RAPGEF6: variants seen among roughly 807,000 people sequenced by gnomAD.
RAPGEF6 encodes PDZ domain containing guanine nucleotide exchange factor (GEF) 2.
A neutral mutation model predicts 171.4 loss-of-function variants in RAPGEF6; 56 were observed. The observed-to-expected ratio is 0.33, with a 90% CI of 0.26 to 0.41. The LOEUF (loss-of-function observed/expected upper bound fraction) is 0.41. Among genes scored for constraint, RAPGEF6 ranks in the 10% least tolerant of loss-of-function variants. The pLI is 1.00. For synonymous variants in RAPGEF6, 692 were observed against 650.1 expected (o/e 1.06, Z -0.98); for missense variants, 1,674 against 1,921.4 (o/e 0.87, Z 2.41).
At chr5:131,512,009 A>G (rs967033532) in intron 7 of RAPGEF6, among the ~76,000 whole-genome samples, 1 of 152,160 alleles carries the variant, frequency 6.6e-6, no homozygotes, top group Non-Finnish European at 1.5e-5. Context: ...CTATAGCCTC[A>G]TGGAAACGCC....
chr5:131,513,032 A>AG (rs1299929650), intron 7 of RAPGEF6, among the ~76,000 whole-genome samples: 1 of 152,192 alleles, frequency 6.6e-6, no homozygotes, highest in Non-Finnish European at 1.5e-5. Flanking sequence ...AGGATCATAT[A>AG]GGGGCAACTG....
In RAPGEF6 at chr5:131,498,574, CT is replaced by C; in HGVS notation, c.1287del (p.Ile429MetfsTer12). 1.2e-6 allele frequency: 2 copies of C among 1,613,704 alleles called. No homozygotes were observed. The highest frequency in any genetic ancestry group is 1.7e-6 in the Non-Finnish European group (2 of 1,179,878). On this transcript the variant is annotated frameshift_variant, in exon 12 of 28. Transcript: ENST00000509018. LOFTEE classifies it high-confidence loss of function. Reference sequence around the variant, plus strand: ...GTTGGATCCACGATGGAATGTTCTTCTATTAAATGCATTATGAGACGCTCAG... The same window carrying C: ...GTTGGATCCACGATGGAATGTTCTTCATTAAATGCATTATGAGACGCTCAG... ...ATPERLIMHL[I>X]EEHSIVDPTY... is the part of the protein sequence containing the mutation.
chr5:131,582,100 T>C (rs1763002140), intron 4 of RAPGEF6, among the ~76,000 whole-genome samples: 1 of 152,344 alleles, frequency 6.6e-6, no homozygotes, highest in Non-Finnish European at 1.5e-5. Context: ...AGACTCAGCC[T>C]ACCTGCATCC....
At chr5:131,582,002 C>A (rs375278254) in intron 4 of RAPGEF6, among the ~76,000 whole-genome samples, 1 of 152,282 alleles carries the variant, frequency 6.6e-6, no homozygotes, top group Admixed American at 6.5e-5. Context: ...CATCCCCTGC[C>A]GGCAAAAAAT....
intron 5 of RAPGEF6, 125 bp downstream of exon 5, chr5:131,561,853 T>G: frequency 1.4e-6 from 1 of 699,222 alleles, no homozygotes; most frequent in Non-Finnish European, 2.4e-6. Flanking sequence ...ATAGTTCTGA[T>G]GCTACTTGAT....
At chr5:131,614,474 G>A (rs1765150281) in intron 1 of RAPGEF6, among the ~76,000 whole-genome samples, 1 of 152,048 alleles carries the variant, frequency 6.6e-6, no homozygotes, top group Non-Finnish European at 1.5e-5. Flanking sequence ...TAGCCAGCAG[G>A]AGAGAGACAG....
rs1251388931 is a variant in RAPGEF6 at position 131,528,313 on chromosome 5, T to TATTATATATATATATA, written c.496-6793_496-6792insTATATATATATATAAT. 4.6e-3 allele frequency among the ~76,000 whole-genome samples: 222 copies of TATTATATATATATATA among 48,780 alleles called. 6 individuals are homozygous for TATTATATATATATATA. Among genetic ancestry groups the TATTATATATATATATA allele is most frequent in the Middle Eastern group, 0.031 (3 of 96 alleles). 32.0% of individuals were successfully genotyped at this position (48,780 alleles called of 152,430 possible). A position where few individuals can be genotyped will look rare whatever the true frequency, so the allele number is the denominator to read the frequency against. ...AATAAAATAAAATAATATATTTATA[T>TATTATATATATATATA]TATATATATATATATATATATATAT... On this transcript the variant is annotated intron_variant, in intron 6 of 27. Coordinates refer to ENST00000509018, the MANE Select transcript of RAPGEF6 (RefSeq NM_016340.6).
intron 6 of RAPGEF6, among the ~76,000 whole-genome samples, chr5:131,542,997 AGCT>A (rs1339192241): frequency 1.3e-5 from 2 of 152,226 alleles, no homozygotes; most frequent in African/African-American, 4.8e-5. Context: ...ATGGCTAGCT[AGCT>A]GCTATCAATT....
At chr5:131,558,623 C>A (rs1329016836) in intron 5 of RAPGEF6, among the ~76,000 whole-genome samples, 1 of 152,142 alleles carries the variant, frequency 6.6e-6, no homozygotes, top group Non-Finnish European at 1.5e-5. Flanking sequence ...ACAAGAAAGG[C>A]TTACGCTGAA....
rs1751323046 is a variant in RAPGEF6 at position 131,424,814 on chromosome 5, TTAAC to T, written c.*2448_*2451del. 1 of 152,370 alleles carries T rather than the reference TTAAC, an allele frequency of 6.6e-6. No homozygotes were observed. Among genetic ancestry groups the T allele is most frequent in the Admixed American group, 6.5e-5 (1 of 15,282 alleles). 9.4% of individuals were successfully genotyped at this position (152,370 alleles called of 1,614,324 possible). ...ATTTGGCAAAAGTTTGCACTGAGCG[TTAAC>T]TGCTTCAACAGTCTTGGCAGATTGA... On this transcript the variant is annotated 3_prime_UTR_variant, in exon 28 of 28. Transcript: ENST00000509018.
chr5:131,617,696 C>T (rs1765359070), intron 1 of RAPGEF6, among the ~76,000 whole-genome samples: 1 of 152,152 alleles, frequency 6.6e-6, no homozygotes, highest in Admixed American at 6.5e-5. Context: ...GAGTTCGAGA[C>T]AAGGCTGGAC....
chr5:131,627,775 G>A (rs920210252), intron 1 of RAPGEF6, among the ~76,000 whole-genome samples: 3 of 152,050 alleles, frequency 2.0e-5, no homozygotes, highest in Non-Finnish European at 4.4e-5. Flanking sequence ...CATCAAGCAA[G>A]TCCAACAGCA....
chr5:131,569,567 T>C (rs1762149732), intron 4 of RAPGEF6, among the ~76,000 whole-genome samples: 1 of 152,276 alleles, frequency 6.6e-6, no homozygotes, highest in Middle Eastern at 3.4e-3. Context: ...TAACTCACAA[T>C]GGATCACAGA....
At chr5:131,611,759 C>T (rs1764946771) in intron 1 of RAPGEF6, among the ~76,000 whole-genome samples, 1 of 152,080 alleles carries the variant, frequency 6.6e-6, no homozygotes, top group East Asian at 1.9e-4. Flanking sequence ...AACTTGAGTC[C>T]AACCATCTTG....
At chr5:131,615,845 G>A (rs1043321019) in intron 1 of RAPGEF6, among the ~76,000 whole-genome samples, 2 of 151,922 alleles carry the variant, frequency 1.3e-5, no homozygotes, top group East Asian at 1.9e-4. Flanking sequence ...AGGCTGCAGT[G>A]AGCGGAGATC....
At chr5:131,556,197 C>T (rs1432663955) in intron 5 of RAPGEF6, among the ~76,000 whole-genome samples, 2 of 152,090 alleles carry the variant, frequency 1.3e-5, no homozygotes, top group Non-Finnish European at 2.9e-5. Context: ...CCCAGCACTT[C>T]GGGAGGCCGA....
At chr5:131,486,562 T>G (rs760609363) in intron 15 of RAPGEF6, among the ~76,000 whole-genome samples, 1 of 152,174 alleles carries the variant, frequency 6.6e-6, no homozygotes, top group Non-Finnish European at 1.5e-5. Flanking sequence ...TATCCTGGAA[T>G]AGAGCTTAAT....
In RAPGEF6 at chr5:131,499,559, C is replaced by T. The variant is rs557300413; in HGVS notation, c.1255-952G>A. On this transcript the variant is annotated intron_variant, in intron 11 of 27. Transcript: ENST00000509018. ...TCATGCCACTGCACTCCAGCTGGGGCGACAAGAGCGAGACTTTGTCTCAAA... is the reference window on the plus strand; with the variant it reads ...TCATGCCACTGCACTCCAGCTGGGGTGACAAGAGCGAGACTTTGTCTCAAA... Among the ~76,000 whole-genome samples, 477 of 118,170 alleles carry T rather than the reference C, an allele frequency of 4.0e-3. 4 individuals carry two copies. The highest frequency in any genetic ancestry group is 0.015 in the African/African-American group (451 of 30,864). 77.5% of individuals were successfully genotyped at this position (118,170 alleles called of 152,430 possible). A position where few individuals can be genotyped will look rare whatever the true frequency, so the allele number is the denominator to read the frequency against.
intron 4 of RAPGEF6, among the ~76,000 whole-genome samples, chr5:131,581,390 T>G (rs532498592): frequency 6.6e-6 from 1 of 152,158 alleles, no homozygotes; most frequent in Admixed American, 6.5e-5. Context: ...CTAATACCTA[T>G]CTTCCTCCTT....
Sources: gnomAD v4.1 joint callset for allele counts (sites outside exome capture counted in the v4.1 genomes callset) on GRCh38, gnomAD v4.1.1 for gene constraint, MANE v1.5 for transcripts, NCBI Gene and HGNC (gene_info 2026-07-23, HGNC 2026-07-21) for gene names.